The following ADNP2 variants were observed in gnomAD, a reference collection of about 807,000 sequenced individuals.
ADNP2 encodes activity-dependent neuroprotector homeobox protein 2.
A neutral mutation model predicts 16.4 loss-of-function variants in ADNP2; 8 were observed. The ratio of observed to expected loss-of-function variants is 0.49; its 90% CI spans 0.29 to 0.88. ADNP2 has a LOEUF of 0.88. Among genes scored for constraint, ADNP2 ranks in the 40% least tolerant of loss-of-function variants. The pLI is 0.09. For synonymous variants in ADNP2, 637 were observed against 545.8 expected, an observed-to-expected ratio of 1.17 and a Z score of -2.33; for missense variants, 1,397 against 1,395.1, an observed-to-expected ratio of 1.00 and a Z score of -0.02.
intron 2 of ADNP2, among the ~76,000 whole-genome samples, chr18:80,130,881 T>C (rs1382869415): frequency 6.6e-6 from 1 of 152,178 alleles, no homozygotes; most frequent in Non-Finnish European, 1.5e-5. Flanking sequence ...TTACAAAATA[T>C]CTGTGTTTCT....
At chr18:80,115,502 ATTCTT>A (rs975728858) in intron 1 of ADNP2, among the ~76,000 whole-genome samples, 1 of 152,186 alleles carries the variant, frequency 6.6e-6, no homozygotes, top group African/African-American at 2.4e-5. Context: ...AACTATCTCT[ATTCTT>A]CTATCTGTGT....
At chr18:80,127,608 G>GT (rs1049436569) in intron 2 of ADNP2, among the ~76,000 whole-genome samples, 11 of 151,916 alleles carry the variant, frequency 7.2e-5, no homozygotes, top group African/African-American at 2.2e-4. Context: ...GGAAGTTTTT[G>GT]TTTTTTGTTT....
chr18:80,123,452 A>C (rs1296486894), intron 2 of ADNP2, among the ~76,000 whole-genome samples: 1 of 150,886 alleles, frequency 6.6e-6, no homozygotes, highest in Admixed American at 6.6e-5. Context: ...GCTCACCGCA[A>C]CCTCCGCCTC....
Position 80,117,606 on chromosome 18 carries a change from A to G in ADNP2, c.64A>G (p.Ile22Val). ...AAAGGTGCGAAAAAAGGTGAAAGGT[A>G]TTCTTGTGGATATTGGGCTTGACAG... ...IRKVRKKVKGILVDIGLDSCK... is the reference protein window; with the variant it reads ...IRKVRKKVKGVLVDIGLDSCK... The change falls in exon 2 of 4, where the codon ATT becomes GTT. Residue 22 changes from isoleucine (I) to valine (V), a missense_variant. By Grantham distance (29) the Ile-to-Val change is conservative. Around this residue, in one of 3 missense-constraint regions of ADNP2, gnomAD observed 777 missense variants for 719.4 expected, o/e 1.08. Transcript: ENST00000262198. 1 of 1,608,026 alleles carries G rather than the reference A, an allele frequency of 6.2e-7. No individual in the cohort carries two copies. Among genetic ancestry groups the G allele is most frequent in the Non-Finnish European group, 8.5e-7 (1 of 1,178,262 alleles).
rs555702508 is a variant in ADNP2, at chr18:80,139,681, A to C, written c.*872A>C. 1 of 152,710 alleles carries C rather than the reference A, an allele frequency of 6.5e-6. No individual in the cohort carries two copies. Among genetic ancestry groups the C allele is most frequent in the South Asian group, 2.1e-4 (1 of 4,828 alleles). 9.5% of individuals were successfully genotyped at this position (152,710 alleles called of 1,614,324 possible). ...AACTCTTCTCCTAACTTAACTACTC[A>C]TAAACTAGTGAAAGGGAAGGTCTAT... On this transcript the variant is annotated 3_prime_UTR_variant, in exon 4 of 4. Transcript: ENST00000262198.
Position 80,136,502 on chromosome 18 carries a change from T to TC in ADNP2, c.1090dup (p.His364ProfsTer20). The TC allele has an allele frequency of 6.2e-7, 1 of 1,614,194 alleles. No individual in the cohort carries two copies. Among genetic ancestry groups the TC allele is most frequent in the Non-Finnish European group, 8.5e-7 (1 of 1,180,032 alleles). ...TCTTTCTTTCTCACGGGGTTCCACTTCATCAGTCTGTGAATCCTCCTGTGT... is the reference window on the plus strand; with the variant it reads ...TCTTTCTTTCTCACGGGGTTCCACTTCCATCAGTCTGTGAATCCTCCTGTGT... On this transcript the variant is annotated frameshift_variant, in exon 4 of 4. Transcript: ENST00000262198. LOFTEE classifies it low-confidence loss of function (END_TRUNC).
chr18:80,112,139 A>C lies in ADNP2; in HGVS notation c.-14+2667A>C, dbSNP rs749513972. Reference sequence around the variant, plus strand: ...AGATTTTACTGAGCTCTAAGATTCTATGGAGAACAGTATCTATAGAGGATC... The same window carrying C: ...AGATTTTACTGAGCTCTAAGATTCTCTGGAGAACAGTATCTATAGAGGATC... On this transcript the variant is annotated intron_variant, in intron 1 of 3. Transcript: ENST00000262198. 5.9e-5 allele frequency among the ~76,000 whole-genome samples: 9 copies of C among 152,304 alleles called. No individual in the cohort carries two copies. The East Asian group carries it at 1.4e-3, about 23-fold the overall frequency.
rs1373023368 is a variant in ADNP2, at chr18:80,109,352, C to T, written c.-134C>T. 3 of 149,870 alleles carry T rather than the reference C, an allele frequency of 2.0e-5. No homozygotes were observed. The East Asian group carries it at 5.8e-4, about 29-fold the overall frequency. 9.3% of individuals were successfully genotyped at this position (149,870 alleles called of 1,614,324 possible). ...GCGCGCTGAGGCGGGGGTCCCGCCG[C>T]GCGGGGCGGAGGCGCGGGCGGGCGC... On this transcript the variant is annotated 5_prime_UTR_variant, in exon 1 of 4. Transcript: ENST00000262198.
At chr18:80,117,275 G>A (rs190823027) in intron 1 of ADNP2, among the ~76,000 whole-genome samples, 1 of 152,158 alleles carries the variant, frequency 6.6e-6, no homozygotes, top group African/African-American at 2.4e-5. Context: ...CAATGTTTAT[G>A]CTTACGTTTT....
In ADNP2 at chr18:80,136,618, C is replaced by A. The variant is rs924829667; in HGVS notation, c.1205C>A (p.Pro402His). 6.2e-7 allele frequency: 1 copy of A among 1,614,180 alleles called. No homozygotes were observed. The highest frequency in any genetic ancestry group is 1.3e-5 in the African/African-American group (1 of 75,040). ...INQTVRPGVL[P>H]LTQPVGPINR... ...CAGACTGTTCGCCCTGGGGTTTTACCCCTCACCCAGCCTGTGGGACCCATA... is the reference window on the plus strand; with the variant it reads ...CAGACTGTTCGCCCTGGGGTTTTACACCTCACCCAGCCTGTGGGACCCATA... Residue 402 changes from proline (P) to histidine (H), a missense_variant, in exon 4 of 4, where the codon CCC (proline) becomes CAC (histidine). By Grantham distance (77) the Pro-to-His change is moderately conservative. Coordinates refer to ENST00000262198, the MANE Select transcript of ADNP2 (RefSeq NM_014913.4).
chr18:80,116,267 GTTTA>G (rs2052388801), intron 1 of ADNP2, among the ~76,000 whole-genome samples: 1 of 152,140 alleles, frequency 6.6e-6, no homozygotes, highest in South Asian at 2.1e-4. Flanking sequence ...CCAGTCATCA[GTTTA>G]TTTATCAAAT....
Position 80,137,696 on chromosome 18 carries a change from T to C in ADNP2, c.2283T>C (p.Leu761=), listed in dbSNP as rs2052550997. The C allele has an allele frequency of 5.6e-6, 9 of 1,614,050 alleles. No individual in the cohort carries two copies. The highest frequency in any genetic ancestry group is 7.6e-6 in the Non-Finnish European group (9 of 1,180,024). Residue 761 remains leucine (L), a synonymous_variant, in exon 4 of 4, where the codon CTT becomes CTC. Coordinates refer to ENST00000262198, the MANE Select transcript of ADNP2 (RefSeq NM_014913.4). The surrounding 1 kb of genome is among the most constrained non-coding windows in gnomAD (Gnocchi z 4.2). ...AGTGCTTGGTCTCTGAGGAAGAGCT[T>C]ATACACCACTTGCTGATGCATGGCT... ...SCKCLVSEEE[L]IHHLLMHGLG...
intron 2 of ADNP2, among the ~76,000 whole-genome samples, chr18:80,129,329 C>T (rs562562830): frequency 2.0e-5 from 3 of 152,210 alleles, no homozygotes; most frequent in South Asian, 4.2e-4. Context: ...TCTCAAACTC[C>T]AGACCTCAGA....
At chr18:80,122,440 A>G (rs568965008) in intron 2 of ADNP2, among the ~76,000 whole-genome samples, 3 of 152,294 alleles carry the variant, frequency 2.0e-5, no homozygotes, top group African/African-American at 7.2e-5. Flanking sequence ...GGGATTATTG[A>G]CATCTTAACA....
chr18:80,137,109 C>G lies in ADNP2; in HGVS notation c.1696C>G (p.Gln566Glu). The change falls in exon 4 of 4, where the codon CAA (glutamine) becomes GAA (glutamate). Residue 566 changes from glutamine to glutamate, a missense_variant. Gln to Glu is a conservative substitution (Grantham distance 29). Around this residue, in one of 3 missense-constraint regions of ADNP2, gnomAD observed 777 missense variants for 719.4 expected, o/e 1.08. Coordinates refer to ENST00000262198, the MANE Select transcript of ADNP2 (RefSeq NM_014913.4). The surrounding 1 kb of genome is among the most constrained non-coding windows in gnomAD (Gnocchi z 4.2). ...VGQPVRPGVLQLNQTVGTNIL... is the reference protein window; with the variant it reads ...VGQPVRPGVLELNQTVGTNIL... Reference sequence around the variant, plus strand: ...CCAGCCAGTGAGGCCTGGGGTCTTGCAACTCAACCAGACTGTGGGCACCAA... The same window carrying G: ...CCAGCCAGTGAGGCCTGGGGTCTTGGAACTCAACCAGACTGTGGGCACCAA... 4.3e-6 allele frequency: 7 copies of G among 1,614,220 alleles called. No homozygotes were observed. Among genetic ancestry groups the G allele is most frequent in the Non-Finnish European group, 5.9e-6 (7 of 1,180,040 alleles).
intron 2 of ADNP2, among the ~76,000 whole-genome samples, chr18:80,124,723 T>TG (rs1216020783): frequency 6.6e-6 from 1 of 152,164 alleles, no homozygotes; most frequent in Non-Finnish European, 1.5e-5. Flanking sequence ...CTTGCCTTGG[T>TG]GATAAGCCCC....
At chr18:80,122,758 C>T (rs1236236119) in intron 2 of ADNP2, among the ~76,000 whole-genome samples, 1 of 152,194 alleles carries the variant, frequency 6.6e-6, no homozygotes, top group Admixed American at 6.5e-5. Flanking sequence ...ATCATGCATT[C>T]TGCAAATAAG....
chr18:80,119,103 T>G (rs2052407822), intron 2 of ADNP2, among the ~76,000 whole-genome samples: 1 of 152,204 alleles, frequency 6.6e-6, no homozygotes, highest in Admixed American at 6.5e-5. Flanking sequence ...TTCACATTTT[T>G]TTTCTTAAAA....
chr18:80,120,889 C>T (rs1450038320), intron 2 of ADNP2, among the ~76,000 whole-genome samples: 1 of 152,088 alleles, frequency 6.6e-6, no homozygotes, highest in African/African-American at 2.4e-5. Flanking sequence ...TGTTGGTGGA[C>T]ACTTGGATTG....
Sources: allele counts gnomAD v4.1 joint callset (sites outside exome capture counted in the v4.1 genomes callset), GRCh38; gene constraint gnomAD v4.1.1; regional missense constraint gnomAD v4.1.1; non-coding constraint Gnocchi (gnomAD v3.1); transcripts MANE v1.5; gene names NCBI Gene and HGNC (gene_info 2026-07-23, HGNC 2026-07-21).